The following IGFN1 variants were observed in gnomAD, a reference collection of about 807,000 sequenced individuals.
IGFN1 encodes immunoglobulin-like and fibronectin type III domain-containing protein 1.
IGFN1 carries 253 observed loss-of-function variants against 289.5 expected under a neutral mutation model. The ratio of observed to expected loss-of-function variants is 0.87; its 90% CI spans 0.79 to 0.97. IGFN1 has a LOEUF of 0.97. Among genes scored for constraint, IGFN1 ranks in the 50% least tolerant of loss-of-function variants. The pLI is 0.00. For synonymous variants in IGFN1, 1,706 were observed against 1,788.5 expected, an observed-to-expected ratio of 0.95 and a Z score of 1.16; for missense variants, 4,470 against 4,686.1, an observed-to-expected ratio of 0.95 and a Z score of 1.35.
intron 3 of IGFN1, among the ~76,000 whole-genome samples, chr1:201,195,636 T>C (rs17508253): frequency 0.25 from 38,219 of 152,170 alleles, 6,394 homozygotes; most frequent in Non-Finnish European, 0.38. Flanking sequence ...GAGGAAGCAC[T>C]GCCTTCTGGG....
In IGFN1 at chr1:201,228,457, C is replaced by T; in HGVS notation, c.*58C>T. On this transcript the variant is annotated 3_prime_UTR_variant, in exon 24 of 24. Transcript: ENST00000335211. The stretch of plus-strand genomic sequence containing the variant: ...TGAAGCTTCACTTCCGACACCTGCA[C>T]TGGCCCGGGAAGCCAATCCCAAGGA... 1 of 1,577,838 alleles carries T rather than the reference C, an allele frequency of 6.3e-7. No individual in the cohort carries two copies. The highest frequency in any genetic ancestry group is 8.7e-7 in the Non-Finnish European group (1 of 1,146,918).
In IGFN1 at chr1:201,216,529, C is replaced by T. The variant is rs753076441; in HGVS notation, c.9371C>T (p.Pro3124Leu). Residue 3124 changes from proline to leucine, a missense_variant, in exon 16 of 24, where the codon CCC (proline) becomes CTC (leucine). Physicochemically the swap from Pro to Leu is moderately conservative, Grantham distance 98 (BLOSUM62 -3). Transcript: ENST00000335211. ...HRAGVCLRWR[P>L]PRDNGGRTVE... is the part of the protein sequence containing the mutation. ...GCTGGCGTCTGCCTCCGCTGGCGGCCCCCAAGGGACAATGGGGGCCGGACT... is the reference window on the plus strand; with the variant it reads ...GCTGGCGTCTGCCTCCGCTGGCGGCTCCCAAGGGACAATGGGGGCCGGACT... 1.9e-6 allele frequency: 3 copies of T among 1,612,414 alleles called. No homozygotes were observed. Among genetic ancestry groups the T allele is most frequent in the Non-Finnish European group, 2.5e-6 (3 of 1,179,170 alleles).
rs1222376231 is a variant in IGFN1, at chr1:201,209,479, G to T, written c.4586G>T (p.Gly1529Val). ...GAAATGGGGTCTGTGGATAAGGCAG[G>T]CTATAGGAAGGATTTGGGGGCTTCT... ...SGEMGSVDKA[G>V]YRKDLGASEA... is the part of the protein sequence containing the mutation. Residue 1529 changes from glycine (G) to valine (V), a missense_variant, in exon 12 of 24, where the codon GGC becomes GTC. Transcript: ENST00000335211. 2.0e-6 allele frequency: 3 copies of T among 1,536,816 alleles called. No homozygotes were observed. Among genetic ancestry groups the T allele is most frequent in the Non-Finnish European group, 1.7e-6 (2 of 1,146,806 alleles).
intron 4 of IGFN1, 107 bp downstream of exon 4, chr1:201,196,085 CG>C: frequency 2.7e-6 from 3 of 1,129,376 alleles, no homozygotes; most frequent in Non-Finnish European, 3.7e-6. Context: ...ACATACTCCT[CG>C]TTGAGGTTGA....
Position 201,213,565 on chromosome 1 carries a change from G to A in IGFN1, c.8672G>A (p.Arg2891Gln), listed in dbSNP as rs149805659. 0.014 allele frequency: 22,405 copies of A among 1,613,920 alleles called. 199 individuals are homozygous for A. Among genetic ancestry groups the A allele is most frequent in the Non-Finnish European group, 0.017 (19,553 of 1,179,908 alleles). ...DIYGERRDAT[R>Q]SSTSRYKPGT... is the part of the protein sequence containing the mutation. ...TATGGAGAGAGGAGAGATGCTACCC[G>A]GAGTTCCACATCCAGATACAAGCCT... is the stretch of plus-strand genomic sequence containing the variant. Residue 2891 changes from arginine to glutamine, a missense_variant, in exon 12 of 24, where the codon CGG becomes CAG. Coordinates refer to ENST00000335211, the MANE Select transcript of IGFN1 (RefSeq NM_001164586.2).
chr1:201,197,401 G>A (rs1666966607), intron 5 of IGFN1, 84 bp downstream of exon 5: 4 of 800,378 alleles, frequency 5.0e-6, no homozygotes, highest in South Asian at 3.1e-5. Flanking sequence ...TAGTGAGGGA[G>A]GGGAGGGGAG....
chr1:201,209,109 G>C lies in IGFN1; in HGVS notation c.4216G>C (p.Asp1406His), dbSNP rs1342502870. The change falls in exon 12 of 24, where the codon GAT becomes CAT. Residue 1406 changes from aspartate to histidine, a missense_variant. This residue lies in a region of IGFN1 where 2,011 missense variants were observed against 1,953.4 expected (regional missense o/e 1.03). Coordinates refer to ENST00000335211, the MANE Select transcript of IGFN1 (RefSeq NM_001164586.2). The part of the protein sequence containing the change: ...LRGPGEMGSL[D>H]ESGHRNGIGG... ...GGGTCCTGGGGAGATGGGGTCACTGGATGAGTCAGGTCATAGGAATGGGAT... is the reference window on the plus strand; with the variant it reads ...GGGTCCTGGGGAGATGGGGTCACTGCATGAGTCAGGTCATAGGAATGGGAT... 3 of 1,534,406 alleles carry C rather than the reference G, an allele frequency of 2.0e-6. No homozygotes were observed. Among genetic ancestry groups the C allele is most frequent in the South Asian group, 1.2e-5 (1 of 83,806 alleles).
At chr1:201,216,827 C>T in intron 16 of IGFN1, 74 bp downstream of exon 16, 1 of 1,311,520 alleles carries the variant, frequency 7.6e-7, no homozygotes, top group East Asian at 2.3e-5. Context: ...GGCAGGCTGT[C>T]CCAGAGGCTG....
At position 201,209,306 on chromosome 1, in the gene IGFN1, T is replaced by C. The variant is rs958305057; in HGVS notation, c.4413T>C (p.Asp1471=). The change falls in exon 12 of 24, where the codon GAT becomes GAC. Residue 1471 remains aspartate, a synonymous_variant. Coordinates refer to ENST00000335211, the MANE Select transcript of IGFN1 (RefSeq NM_001164586.2). ...ATTTGGGAGCTCCTGAGAGAATGGA[T>C]TCAGGGAGCAAGGCAGGTTACAGGG... ...RKNLGAPERM[D]SGSKAGYRGG... 1 of 1,481,808 alleles carries C rather than the reference T, an allele frequency of 6.7e-7. No homozygotes were observed. The highest frequency in any genetic ancestry group is 8.9e-7 in the Non-Finnish European group (1 of 1,126,994). The allele number at this position is 1,481,808 out of a possible 1,614,324, so 91.8% of individuals were successfully genotyped here.
chr1:201,212,034 A>C lies in IGFN1; in HGVS notation c.7141A>C (p.Arg2381=). The change falls in exon 12 of 24, where the codon AGA becomes CGA. Residue 2381 remains arginine (R), a synonymous_variant. Coordinates refer to ENST00000335211, the MANE Select transcript of IGFN1 (RefSeq NM_001164586.2). ...TGGAATAGGACATGAGGCTGGACCC[A>C]GAGGCCATAAAGCCATGGGTCACAG... The part of the protein sequence containing the change: ...LAGIGHEAGP[R]GHKAMGHRSG... 6.5e-7 allele frequency: 1 copy of C among 1,536,328 alleles called. No homozygotes were observed. Among genetic ancestry groups the C allele is most frequent in the Non-Finnish European group, 8.7e-7 (1 of 1,146,754 alleles).
intron 23 of IGFN1, 143 bp from the exon 24 acceptor site, chr1:201,228,243 G>T: frequency 1.2e-6 from 1 of 841,704 alleles, no homozygotes; most frequent in Non-Finnish European, 2.0e-6. Context: ...TAGAGAGCAC[G>T]TGGTGGCTCC....
At chr1:201,220,239 G>A (rs1198177665) in intron 18 of IGFN1, among the ~76,000 whole-genome samples, 1 of 151,436 alleles carries the variant, frequency 6.6e-6, no homozygotes, top group African/African-American at 2.4e-5. Context: ...CTGGAATGCA[G>A]TGATGCAATC....
At chr1:201,196,319 G>A (rs956898407) in intron 4 of IGFN1, among the ~76,000 whole-genome samples, 3 of 152,186 alleles carry the variant, frequency 2.0e-5, no homozygotes, top group Non-Finnish European at 2.9e-5. Context: ...GTAAAAATGG[G>A]ATAATAATAG....
At position 201,194,257 on chromosome 1, in the gene IGFN1, C is replaced by T. The variant is rs1558131613; in HGVS notation, c.111C>T (p.Thr37=). 1 of 1,551,482 alleles carries T rather than the reference C, an allele frequency of 6.4e-7. No homozygotes were observed. Among genetic ancestry groups the T allele is most frequent in the East Asian group, 2.4e-5 (1 of 40,888 alleles). ...STPDFEQKPV[T]SALPEGKNAV... The stretch of plus-strand genomic sequence containing the variant: ...CGGACTTTGAGCAGAAGCCCGTCAC[C>T]TCGGCTCTGCCAGAGGGTGAGCCCA... Residue 37 remains threonine (T), a synonymous_variant, in exon 3 of 24, where the codon ACC becomes ACT. Transcript: ENST00000335211.
chr1:201,201,987 G>C (rs189445302), intron 9 of IGFN1, among the ~76,000 whole-genome samples, 155 bp downstream of exon 9: 70 of 152,226 alleles, frequency 4.6e-4, no homozygotes, highest in African/African-American at 1.5e-3. Context: ...GCTGGACCTG[G>C]ACCAAACCCT....
At chr1:201,214,379 C>A (rs1412360684) in intron 13 of IGFN1, 78 bp downstream of exon 13, 24 of 1,414,240 alleles carry the variant, frequency 1.7e-5, no homozygotes, top group Non-Finnish European at 2.0e-5. Context: ...AGCGTAGAGG[C>A]TTTGAAAGAA....
intron 10 of IGFN1, 48 bp downstream of exon 10, chr1:201,203,954 A>C: frequency 6.7e-7 from 1 of 1,490,104 alleles, no homozygotes; most frequent in South Asian, 1.3e-5. Context: ...ATATGTTAGA[A>C]ATGGAGTCCA....
chr1:201,197,191 G>C, intron 4 of IGFN1, 27 bp from the exon 5 acceptor site: 1 of 1,437,594 alleles, frequency 7.0e-7, no homozygotes, highest in Non-Finnish European at 9.6e-7. Context: ...TGGTAGCCCT[G>C]TTCCTCTGCC....
chr1:201,205,257 C>T lies in IGFN1; in HGVS notation c.1092C>T (p.Thr364=). 5 of 1,551,000 alleles carry T rather than the reference C, an allele frequency of 3.2e-6. No individual in the cohort carries two copies. Among genetic ancestry groups the T allele is most frequent in the Non-Finnish European group, 4.4e-6 (5 of 1,146,968 alleles). The change falls in exon 11 of 24, where the codon ACC becomes ACT. Residue 364 remains threonine, a synonymous_variant. Coordinates refer to ENST00000335211, the MANE Select transcript of IGFN1 (RefSeq NM_001164586.2). ...TGTATGTGTCCCCTGACGGGCTGAC[C>T]CACCGGCTGGTGGTGAGGGGGGCAC... The part of the protein sequence containing the change: ...YEVYVSPDGL[T]HRLVVRGARF...
Sources: allele counts gnomAD v4.1 joint callset (sites outside exome capture counted in the v4.1 genomes callset), GRCh38; gene constraint gnomAD v4.1.1; regional missense constraint gnomAD v4.1.1; transcripts MANE v1.5; gene names NCBI Gene and HGNC (gene_info 2026-07-23, HGNC 2026-07-21).